The following FREM3 variants were observed in gnomAD, a reference collection of about 807,000 sequenced individuals.
FREM3 encodes FRAS1 related extracellular matrix 3, also known as FRAS1-related extracellular matrix protein 3.
FREM3 carries 105 observed loss-of-function variants against 129.1 expected under a neutral mutation model. That is an observed-to-expected ratio of 0.81 (90% CI 0.69 to 0.96). The LOEUF (loss-of-function observed/expected upper bound fraction) is 0.96. FREM3 is among the 40% of genes least tolerant of loss of function. The pLI, the probability that FREM3 is intolerant of heterozygous loss-of-function variation, is 0.00. For missense variants in FREM3, 2,593 were observed against 2,666.3 expected (o/e 0.97, Z 0.61); for synonymous variants, 1,014 against 1,044.9 (o/e 0.97, Z 0.57).
At position 143,698,687 on chromosome 4, in the gene FREM3, G is replaced by C. The variant is rs1339707612; in HGVS notation, c.1989C>G (p.His663Gln). The C allele has an allele frequency of 3.3e-6, 5 of 1,537,442 alleles. No individual in the cohort carries two copies. In the East Asian group the frequency reaches 1.2e-4, roughly 38 times the overall value. ...GRLFYRHLGP[H>Q]SPQSVMVQLA... ...GCTGGACCATTACAGATTGAGGGCT[G>C]TGTGGTCCAAGATGGCGGTAGAAGA... The change falls in exon 1 of 8, where the codon CAC becomes CAG. Residue 663 changes from histidine to glutamine, a missense_variant. Coordinates refer to ENST00000329798, the MANE Select transcript of FREM3 (RefSeq NM_001168235.2).
In FREM3 at chr4:143,663,696, A is replaced by G. The variant is rs370917149; in HGVS notation, c.5275+29417T>C. ...GCAGAGTGTTTTCCAACTTGGTTCC[A>G]TTCTACCCATCACTTTCAGGTACAC... On this transcript the variant is annotated intron_variant, in intron 2 of 7. Coordinates refer to ENST00000329798, the MANE Select transcript of FREM3 (RefSeq NM_001168235.2). Among the ~76,000 whole-genome samples the G allele has an allele frequency of 1.2e-4, 18 of 152,230 alleles. No individual in the cohort carries two copies. In the East Asian group the frequency reaches 1.9e-3, roughly 16 times the overall value.
At chr4:143,624,552 G>C (rs1319463959) in intron 3 of FREM3, among the ~76,000 whole-genome samples, 1 of 152,172 alleles carries the variant, frequency 6.6e-6, no homozygotes, top group Admixed American at 6.5e-5. Flanking sequence ...AAGGGGGATT[G>C]ACAGAAAGAA....
At chr4:143,595,741 A>C (rs1738465675) in intron 6 of FREM3, among the ~76,000 whole-genome samples, 1 of 152,120 alleles carries the variant, frequency 6.6e-6, no homozygotes. Flanking sequence ...CAAAAAAATT[A>C]GCCAGGTGTG....
intron 2 of FREM3, among the ~76,000 whole-genome samples, chr4:143,665,209 C>G (rs1041242243): frequency 5.9e-5 from 9 of 152,048 alleles, no homozygotes; most frequent in Non-Finnish European, 1.3e-4. Flanking sequence ...TAGACTGGAG[C>G]TGTTCCTATT....
chr4:143,696,078 A>G lies in FREM3; in HGVS notation c.4598T>C (p.Val1533Ala). The change falls in exon 1 of 8, where the codon GTG becomes GCG. Residue 1533 changes from valine to alanine, a missense_variant. Val to Ala is a moderately conservative substitution (Grantham distance 64). Coordinates refer to ENST00000329798, the MANE Select transcript of FREM3 (RefSeq NM_001168235.2). Reference protein sequence around the residue: ...FRTFRIFITDVDNKKPILTIH... With the variant: ...FRTFRIFITDADNKKPILTIH... ...GGTCAAGATAGGTTTCTTATTATCCACATCAGTGATGAAGATCCTGAAGGT... is the reference window on the plus strand; with the variant it reads ...GGTCAAGATAGGTTTCTTATTATCCGCATCAGTGATGAAGATCCTGAAGGT... 1 of 1,537,558 alleles carries G rather than the reference A, an allele frequency of 6.5e-7. No homozygotes were observed. The highest frequency in any genetic ancestry group is 1.2e-5 in the South Asian group (1 of 84,064).
At chr4:143,648,762 A>G (rs908827501) in intron 2 of FREM3, among the ~76,000 whole-genome samples, 7 of 152,120 alleles carry the variant, frequency 4.6e-5, no homozygotes, top group African/African-American at 1.7e-4. Context: ...AGTTCTTCAT[A>G]GCTGTGTGAG....
chr4:143,700,397 G>T lies in FREM3; in HGVS notation c.279C>A (p.Asp93Glu). The T allele has an allele frequency of 6.5e-7, 1 of 1,534,608 alleles. No individual in the cohort carries two copies. The highest frequency in any genetic ancestry group is 8.7e-7 in the Non-Finnish European group (1 of 1,145,856). Residue 93 changes from aspartate to glutamate, a missense_variant, in exon 1 of 8, where the codon GAC becomes GAA. Transcript: ENST00000329798. ...RDLVIGVQPG[D>E]RCEVTVLDAL... ...CGTCCAGTACCGTGACTTCGCACCG[G>T]TCCCCCGGCTGCACTCCAATCACCA...
chr4:143,662,900 T>G (rs1739765357), intron 2 of FREM3, among the ~76,000 whole-genome samples: 1 of 152,118 alleles, frequency 6.6e-6, no homozygotes, highest in African/African-American at 2.4e-5. Context: ...AAACTAGGAT[T>G]GCAACCCCTG....
intron 2 of FREM3, among the ~76,000 whole-genome samples, chr4:143,629,835 A>G (rs11725554): frequency 6.6e-6 from 1 of 152,010 alleles, no homozygotes; most frequent in South Asian, 2.1e-4. Context: ...CCAGTTTTGC[A>G]GTCTGCTAGT....
At chr4:143,628,770 C>T (rs761770590) in intron 2 of FREM3, among the ~76,000 whole-genome samples, 7 of 152,160 alleles carry the variant, frequency 4.6e-5, no homozygotes, top group Non-Finnish European at 8.8e-5. Flanking sequence ...ACAGCCTTGA[C>T]CTCCAGCCTA....
At chr4:143,596,933 G>A (rs1310910651) in intron 6 of FREM3, among the ~76,000 whole-genome samples, 1 of 151,988 alleles carries the variant, frequency 6.6e-6, no homozygotes, top group East Asian at 1.9e-4. Flanking sequence ...GTGAGACTTT[G>A]TCTCAAAAAA....
chr4:143,616,204 T>C (rs557451231), intron 5 of FREM3, among the ~76,000 whole-genome samples: 1 of 152,214 alleles, frequency 6.6e-6, no homozygotes, highest in Non-Finnish European at 1.5e-5. Flanking sequence ...AGAGAATTAC[T>C]ACCAACCTAG....
Position 143,695,849 on chromosome 4 carries a change from C to G in FREM3, c.4827G>C (p.Lys1609Asn). ...CTTCAGTGGTCTCACTGCCGTCATG[C>G]TTGTAGCTAATCAGGTTCTTGTTCA... The part of the protein sequence containing the change: ...QDLNKNLISY[K>N]HDGSETTEDS... The change falls in exon 1 of 8, where the codon AAG (lysine) becomes AAC (asparagine). Residue 1609 changes from lysine (K) to asparagine (N), a missense_variant. By Grantham distance (94) the Lys-to-Asn change is moderately conservative. This residue lies in a region of FREM3 where 2,276 missense variants were observed against 2,267.2 expected (regional missense o/e 1.00). Coordinates refer to ENST00000329798, the MANE Select transcript of FREM3 (RefSeq NM_001168235.2). The G allele has an allele frequency of 6.5e-7, 1 of 1,537,420 alleles. No homozygotes were observed. Among genetic ancestry groups the G allele is most frequent in the Non-Finnish European group, 8.7e-7 (1 of 1,146,966 alleles).
chr4:143,690,802 A>G (rs1740451951), intron 2 of FREM3, among the ~76,000 whole-genome samples: 1 of 152,216 alleles, frequency 6.6e-6, no homozygotes, highest in East Asian at 1.9e-4. Context: ...CAGGAATGCC[A>G]TCAACAGCAG....
chr4:143,666,045 T>C (rs1361657885), intron 2 of FREM3, among the ~76,000 whole-genome samples: 1 of 152,138 alleles, frequency 6.6e-6, no homozygotes, highest in African/African-American at 2.4e-5. Flanking sequence ...ATTTTTATAT[T>C]GATTGCTCTT....
In FREM3 at chr4:143,585,489, C is replaced by T. The variant is rs886370446; in HGVS notation, c.6178+355G>A. 6.6e-5 allele frequency among the ~76,000 whole-genome samples: 10 copies of T among 152,144 alleles called. No homozygotes were observed. The highest frequency in any genetic ancestry group is 3.9e-4 in the Admixed American group (6 of 15,280). On this transcript the variant is annotated intron_variant, in intron 7 of 7. Coordinates refer to ENST00000329798, the MANE Select transcript of FREM3 (RefSeq NM_001168235.2). This position sits in a 1 kb window ranked among gnomAD's most constrained non-coding sequence, Gnocchi z 4.2. Reference sequence around the variant, plus strand: ...TACACTTCAAAGGTCTAATATGTGACGAGATTCTTCCACGAGTTGGGACTT... The same window carrying T: ...TACACTTCAAAGGTCTAATATGTGATGAGATTCTTCCACGAGTTGGGACTT...
rs1740680445 is a variant in FREM3 at position 143,700,531 on chromosome 4, G to A, written c.145C>T (p.Arg49Trp). 3 of 1,519,500 alleles carry A rather than the reference G, an allele frequency of 2.0e-6. No homozygotes were observed. The highest frequency in any genetic ancestry group is 2.6e-6 in the Non-Finnish European group (3 of 1,136,942). 94.1% of individuals were successfully genotyped at this position (1,519,500 alleles called of 1,614,324 possible). ...EPDPALYLPA[R>W]GALDGTRPDG... Reference sequence around the variant, plus strand: ...GGGCGAGTGCCGTCAAGCGCACCCCGGGCGGGCAGGTAAAGCGCCGGGTCG... The same window carrying A: ...GGGCGAGTGCCGTCAAGCGCACCCCAGGCGGGCAGGTAAAGCGCCGGGTCG... The change falls in exon 1 of 8, where the codon CGG becomes TGG. Residue 49 changes from arginine (R) to tryptophan (W), a missense_variant. Arg to Trp is a moderately radical substitution (Grantham distance 101). This residue lies in a region of FREM3 where 2,276 missense variants were observed against 2,267.2 expected (regional missense o/e 1.00). Coordinates refer to ENST00000329798, the MANE Select transcript of FREM3 (RefSeq NM_001168235.2).
At chr4:143,598,419 A>C (rs1738519506) in intron 6 of FREM3, among the ~76,000 whole-genome samples, 1 of 152,010 alleles carries the variant, frequency 6.6e-6, no homozygotes, top group Admixed American at 6.5e-5. Flanking sequence ...GCTATTATGA[A>C]CTCTAGTTTT....
chr4:143,619,414 AG>A (rs1476134608), intron 5 of FREM3, among the ~76,000 whole-genome samples: 8 of 152,152 alleles, frequency 5.3e-5, no homozygotes, highest in Non-Finnish European at 5.9e-5. Flanking sequence ...CTGTCACCAC[AG>A]TGATTGTCTT....
Sources: gnomAD v4.1 joint callset for allele counts (sites outside exome capture counted in the v4.1 genomes callset) on GRCh38, gnomAD v4.1.1 for gene constraint, gnomAD v4.1.1 regional missense constraint, Gnocchi (gnomAD v3.1) non-coding constraint, MANE v1.5 for transcripts, NCBI Gene and HGNC (gene_info 2026-07-23, HGNC 2026-07-21) for gene names.